Variants in SEMA3E observed in about 807,000 individuals in gnomAD.
The protein encoded by SEMA3E is semaphorin 3E, also known as semaphorin-3E.
Under a neutral mutation model 93.6 loss-of-function variants are expected in SEMA3E, and 49 were observed. That is an observed-to-expected ratio of 0.52 (90% CI 0.42 to 0.66). The LOEUF is 0.66. Ranked by LOEUF, SEMA3E falls within the 30% of genes least tolerant of loss-of-function variation. The pLI is 0.00. For missense variants in SEMA3E, 906 were observed against 964.8 expected, an observed-to-expected ratio of 0.94 and a Z score of 0.81; for synonymous variants, 363 against 330.7, an observed-to-expected ratio of 1.10 and a Z score of -1.06.
chr7:83,463,028 A>G (rs1466427737), intron 4 of SEMA3E, among the ~76,000 whole-genome samples: 2 of 145,794 alleles, frequency 1.4e-5, no homozygotes, highest in Non-Finnish European at 3.0e-5. Context: ...ACTGCCGCAA[A>G]GCTTCACAGA....
At chr7:83,372,851 A>C (rs934257188) in intron 16 of SEMA3E, 3 of 152,138 alleles carry the variant, frequency 2.0e-5, no homozygotes, top group African/African-American at 7.2e-5. Flanking sequence ...ATAAATACCC[A>C]AAAATATAAA....
intron 4 of SEMA3E, among the ~76,000 whole-genome samples, chr7:83,429,775 C>T (rs779354670): frequency 4.8e-4 from 73 of 152,138 alleles, no homozygotes; most frequent in Non-Finnish European, 1.6e-4. Flanking sequence ...TGATAATACT[C>T]ATAGCTGTTT....
At chr7:83,499,731 T>C (rs74985268) in intron 1 of SEMA3E, among the ~76,000 whole-genome samples, 3,280 of 152,254 alleles carry the variant, frequency 0.022, 119 homozygotes, top group African/African-American at 0.075. Flanking sequence ...TCATGCAGCC[T>C]CCTCTTTCAT....
chr7:83,576,667 C>T (rs1584342116), intron 1 of SEMA3E, among the ~76,000 whole-genome samples: 1 of 152,056 alleles, frequency 6.6e-6, no homozygotes, highest in Admixed American at 6.5e-5. Context: ...ACTCTGTTGT[C>T]CAGGCTGGAG....
At chr7:83,572,769 A>G (rs909802332) in intron 1 of SEMA3E, among the ~76,000 whole-genome samples, 7 of 152,178 alleles carry the variant, frequency 4.6e-5, no homozygotes, top group African/African-American at 1.4e-4. Flanking sequence ...AAAATAAGCA[A>G]CGGGGAAAGG....
intron 1 of SEMA3E, among the ~76,000 whole-genome samples, chr7:83,528,206 C>G (rs1360269407): frequency 1.3e-5 from 2 of 152,054 alleles, no homozygotes; most frequent in South Asian, 4.1e-4. Flanking sequence ...AAAAACTAAT[C>G]TTTAGCAAAT....
intron 2 of SEMA3E, among the ~76,000 whole-genome samples, chr7:83,482,329 G>A (rs1012331486): frequency 3.9e-5 from 6 of 152,090 alleles, no homozygotes; most frequent in African/African-American, 1.2e-4. Flanking sequence ...CACTTTGGGA[G>A]GCCGAGGCGG....
intron 1 of SEMA3E, among the ~76,000 whole-genome samples, chr7:83,553,070 A>C (rs215255): frequency 0.44 from 66,210 of 151,796 alleles, 15,664 homozygotes; most frequent in African/African-American, 0.63. Flanking sequence ...CCTTTTGAAA[A>C]CCTTAATAAA....
intron 1 of SEMA3E, among the ~76,000 whole-genome samples, chr7:83,603,236 C>T (rs1297401797): frequency 6.6e-6 from 1 of 151,900 alleles, no homozygotes; most frequent in Non-Finnish European, 1.5e-5. Flanking sequence ...ACCCAAATAC[C>T]ACCCAAGAAA....
intron 1 of SEMA3E, among the ~76,000 whole-genome samples, chr7:83,605,536 T>G (rs530499445): frequency 2.2e-4 from 34 of 152,114 alleles, no homozygotes; most frequent in African/African-American, 8.0e-4. Context: ...GATCAAGCGA[T>G]TATCCTGCCT....
intron 1 of SEMA3E, chr7:83,616,662 G>T: frequency 2.3e-6 from 1 of 442,672 alleles, no homozygotes; most frequent in Non-Finnish European, 4.5e-6. Flanking sequence ...CTTCATTCAA[G>T]TTGTGAAGGC....
At chr7:83,606,004 C>T (rs1165525162) in intron 1 of SEMA3E, among the ~76,000 whole-genome samples, 1 of 152,086 alleles carries the variant, frequency 6.6e-6, no homozygotes, top group Non-Finnish European at 1.5e-5. Flanking sequence ...TTGGTATTTT[C>T]GTCATGAGAT....
intron 1 of SEMA3E, among the ~76,000 whole-genome samples, chr7:83,508,650 T>C (rs1201050573): frequency 6.6e-6 from 1 of 152,220 alleles, no homozygotes; most frequent in Non-Finnish European, 1.5e-5. Context: ...TTATACTTCA[T>C]ATCTTTAATA....
chr7:83,445,922 G>A (rs1025477639), intron 4 of SEMA3E, among the ~76,000 whole-genome samples: 5 of 152,220 alleles, frequency 3.3e-5, no homozygotes, highest in African/African-American at 1.2e-4. Flanking sequence ...CTTTGAGTTA[G>A]AAAAAGGTGA....
rs1794695254 is a variant in SEMA3E, at chr7:83,367,856, A to C, written c.2058T>G (p.Asp686Glu). ...EKVEDMFNKD[D>E]EEDRHHRMPC... ...GCATCCTGTGATGCCTGTCCTCCTC[A>C]TCGTCCTTGTTAAACATATCCTCGA... The change falls in exon 17 of 17, where the codon GAT becomes GAG. Residue 686 changes from aspartate (D) to glutamate (E), a missense_variant. Transcript: ENST00000643230. 1 of 1,612,918 alleles carries C rather than the reference A, an allele frequency of 6.2e-7. No individual in the cohort carries two copies. The highest frequency in any genetic ancestry group is 8.5e-7 in the Non-Finnish European group (1 of 1,179,256).
intron 14 of SEMA3E, among the ~76,000 whole-genome samples, chr7:83,389,793 A>G (rs1187835306): frequency 3.1e-4 from 21 of 68,562 alleles, no homozygotes; most frequent in Non-Finnish European, 5.6e-4. Flanking sequence ...ATGTATACAT[A>G]TATACACGTA....
At chr7:83,502,491 G>T (rs571386195) in intron 1 of SEMA3E, among the ~76,000 whole-genome samples, 1 of 151,898 alleles carries the variant, frequency 6.6e-6, no homozygotes, top group Non-Finnish European at 1.5e-5. Context: ...CCTTCTGTCT[G>T]CCACCCACCT....
At chr7:83,373,410 G>A (rs1035619018) in intron 16 of SEMA3E, among the ~76,000 whole-genome samples, 1 of 151,928 alleles carries the variant, frequency 6.6e-6, no homozygotes, top group Non-Finnish European at 1.5e-5. Flanking sequence ...ACATACATAT[G>A]TATATATATT....
At chr7:83,465,916 T>C (rs1789745975) in intron 4 of SEMA3E, among the ~76,000 whole-genome samples, 1 of 152,164 alleles carries the variant, frequency 6.6e-6, no homozygotes, top group Non-Finnish European at 1.5e-5. Context: ...TGGGATTTGC[T>C]TTTATTATGC....
Sources: allele counts gnomAD v4.1 joint callset (sites outside exome capture counted in the v4.1 genomes callset), GRCh38; gene constraint gnomAD v4.1.1; transcripts MANE v1.5; gene names NCBI Gene and HGNC (gene_info 2026-07-23, HGNC 2026-07-21).